GALNT9: variants seen among roughly 807,000 people sequenced by gnomAD.
The protein encoded by GALNT9 is polypeptide N-acetylgalactosaminyltransferase 9, also known as GalNAc transferase 9.
Under a neutral mutation model 63.1 loss-of-function variants are expected in GALNT9, and 47 were observed. The ratio of observed to expected loss-of-function variants is 0.75; its 90% CI spans 0.59 to 0.95. The LOEUF is 0.95. Among genes scored for constraint, GALNT9 ranks in the 40% least tolerant of loss-of-function variants. The probability of loss-of-function intolerance (pLI) is 0.00; values close to 1 mark genes in which losing one functional copy is unlikely to be tolerated. For missense variants in GALNT9, 829 were observed against 874.8 expected (o/e 0.95, Z 0.66); for synonymous variants, 396 against 365.7 (o/e 1.08, Z -0.94).
rs187963491 is a variant in GALNT9 at position 132,196,442 on chromosome 12, G to A, written c.*665C>T. 7.7e-3 allele frequency: 7,608 copies of A among 985,390 alleles called. 30 individuals carry two copies. Among genetic ancestry groups the A allele is most frequent in the Non-Finnish European group, 8.6e-3 (7,113 of 829,894 alleles). The allele number at this position is 985,390 out of a possible 1,614,324, so 61.0% of individuals were successfully genotyped here. A position where few individuals can be genotyped will look rare whatever the true frequency, so the allele number is the denominator to read the frequency against. ...GGCTGGGCTGCGGCAGGGCCCAGGT[G>A]CCTGGGAAAGAGGTGGGACCGGGCC... On this transcript the variant is annotated 3_prime_UTR_variant, in exon 11 of 11. Coordinates refer to ENST00000328957, the MANE Select transcript of GALNT9 (RefSeq NM_001122636.2).
Position 132,282,095 on chromosome 12 carries a change from A to G in GALNT9, c.419+4155T>C, listed in dbSNP as rs797035066. Among the ~76,000 whole-genome samples the G allele has an allele frequency of 1.9e-4, 26 of 138,692 alleles. No individual in the cohort carries two copies. Among genetic ancestry groups the G allele is most frequent in the African/African-American group, 5.6e-4 (20 of 35,980 alleles). The allele number at this position is 138,692 out of a possible 152,430, so 91.0% of individuals were successfully genotyped here. A position where few individuals can be genotyped will look rare whatever the true frequency, so the allele number is the denominator to read the frequency against. ...CTGGGGGTCCCTGATCCCACAGAGGAGGAATCAGCTCCACTACAGCAAGGC... is the reference window on the plus strand; with the variant it reads ...CTGGGGGTCCCTGATCCCACAGAGGGGGAATCAGCTCCACTACAGCAAGGC... On this transcript the variant is annotated intron_variant, in intron 2 of 10. Transcript: ENST00000328957. This position sits in a 1 kb window ranked among gnomAD's most constrained non-coding sequence, Gnocchi z 4.5.
rs1258590261 is a variant in GALNT9 at position 132,310,798 on chromosome 12, C to T, written c.238+18168G>A. Among the ~76,000 whole-genome samples, 6 of 152,274 alleles carry T rather than the reference C, an allele frequency of 3.9e-5. No homozygotes were observed. The South Asian group carries it at 6.2e-4, about 16-fold the overall frequency. The stretch of plus-strand genomic sequence containing the variant: ...AGGTGGGAGCCACGCTGTCCTCCCA[C>T]GCAAAGAGGAACTAGGTGTGGCTGT... On this transcript the variant is annotated intron_variant, in intron 1 of 10. Transcript: ENST00000328957. This position sits in a 1 kb window ranked among gnomAD's most constrained non-coding sequence, Gnocchi z 4.8.
chr12:132,323,839 C>T (rs1416091409), intron 1 of GALNT9, among the ~76,000 whole-genome samples: 1 of 152,346 alleles, frequency 6.6e-6, no homozygotes, highest in South Asian at 2.1e-4. Flanking sequence ...GTTAATGATC[C>T]GGGTGGAAAG....
At chr12:132,250,506 G>A (rs1399251246) in intron 5 of GALNT9, among the ~76,000 whole-genome samples, 3 of 152,194 alleles carry the variant, frequency 2.0e-5, no homozygotes, top group Admixed American at 2.0e-4. Context: ...AAAAGCCAAC[G>A]TGGCCGGGCA....
At chr12:132,258,783 T>C (rs1187723820) in intron 4 of GALNT9, among the ~76,000 whole-genome samples, 2 of 152,214 alleles carry the variant, frequency 1.3e-5, no homozygotes, top group African/African-American at 4.8e-5. Context: ...GGGAAGCAGG[T>C]GCAGCCCTCG....
intron 6 of GALNT9, among the ~76,000 whole-genome samples, chr12:132,230,971 G>A (rs971688815): frequency 2.6e-5 from 4 of 151,956 alleles, no homozygotes; most frequent in African/African-American, 7.2e-5. Flanking sequence ...TCACCCTAGT[G>A]CCACACACTC....
At chr12:132,209,680 C>A (rs1346443227) in intron 6 of GALNT9, among the ~76,000 whole-genome samples, 1 of 152,130 alleles carries the variant, frequency 6.6e-6, no homozygotes, top group African/African-American at 2.4e-5. Context: ...AAAAGACACT[C>A]CCCCCAGCAC....
At chr12:132,293,946 G>T (rs1372627177) in intron 1 of GALNT9, among the ~76,000 whole-genome samples, 1 of 152,294 alleles carries the variant, frequency 6.6e-6, no homozygotes, top group Non-Finnish European at 1.5e-5. Context: ...GGAACGAGAA[G>T]TGGAGCCTGG....
intron 1 of GALNT9, among the ~76,000 whole-genome samples, chr12:132,297,570 GCCAACTCACTCCTGAGATAA>G (rs1369017855): frequency 1.5e-5 from 2 of 131,428 alleles, no homozygotes; most frequent in East Asian, 2.3e-4. Context: ...TCCTGAGATA[GCCAACTCACTCCTGAGATAA>G]CCAACTCACT....
intron 6 of GALNT9, among the ~76,000 whole-genome samples, chr12:132,216,115 C>A (rs535632480): frequency 3.3e-5 from 5 of 152,036 alleles, no homozygotes; most frequent in Admixed American, 2.0e-4. Flanking sequence ...GATACAGAGA[C>A]ACAGAAACAG....
chr12:132,290,333 G>A (rs76534667), intron 1 of GALNT9, among the ~76,000 whole-genome samples: 18,661 of 152,164 alleles, frequency 0.12, 1,191 homozygotes, highest in Non-Finnish European at 0.14. Context: ...GCCAAGCCAC[G>A]GACCCTCAGT....
At chr12:132,253,221 A>G (rs937263018) in intron 5 of GALNT9, among the ~76,000 whole-genome samples, 39 of 152,142 alleles carry the variant, frequency 2.6e-4, no homozygotes, top group African/African-American at 8.5e-4. Flanking sequence ...GAGTGTGACC[A>G]TTGAAGCACC....
rs12306514 is a variant in GALNT9, at chr12:132,197,939, A to G, written c.1518T>C (p.Asp506=). The G allele has an allele frequency of 0.75, 1,212,538 of 1,608,832 alleles. 457,853 individuals are homozygous for G. The highest frequency in any genetic ancestry group is 0.84 in the African/African-American group (62,822 of 74,878). Residue 506 remains aspartate, a synonymous_variant, in exon 10 of 11, where the codon GAT becomes GAC. Coordinates refer to ENST00000328957, the MANE Select transcript of GALNT9 (RefSeq NM_001122636.2). ...CCAGAGGCCCCAGCTGCAGCAGTCCATCAGCGCTGTACCGCACCAGCTGGG... is the reference window on the plus strand; with the variant it reads ...CCAGAGGCCCCAGCTGCAGCAGTCCGTCAGCGCTGTACCGCACCAGCTGGG... ...MSSQLVRYSA[D]GLLQLGPLGS...
chr12:132,289,719 C>T (rs1426826749), intron 1 of GALNT9, among the ~76,000 whole-genome samples: 1 of 152,210 alleles, frequency 6.6e-6, no homozygotes, highest in African/African-American at 2.4e-5. Context: ...CTGCCATTCC[C>T]ATCCTCCCTC....
At position 132,327,955 on chromosome 12, in the gene GALNT9, G is replaced by A. The variant is rs1207362089; in HGVS notation, c.238+1011C>T. On this transcript the variant is annotated intron_variant, in intron 1 of 10. Transcript: ENST00000328957. The surrounding 1 kb of genome is among the most constrained non-coding windows in gnomAD (Gnocchi z 4.3). ...GCCTGCCCGCGTAACCCCAGCTCCC[G>A]TCACCTCCCACTCGAGCCTGTTACG... Among the ~76,000 whole-genome samples the A allele has an allele frequency of 1.3e-5, 2 of 151,944 alleles. No homozygotes were observed. The highest frequency in any genetic ancestry group is 2.9e-5 in the Non-Finnish European group (2 of 68,000).
intron 1 of GALNT9, among the ~76,000 whole-genome samples, chr12:132,311,132 G>A (rs1881798682): frequency 6.6e-6 from 1 of 152,230 alleles, no homozygotes; most frequent in South Asian, 2.1e-4. Context: ...GCAAGAAATT[G>A]CTAGGCCAGA....
Position 132,328,967 on chromosome 12 carries a change from G to C in GALNT9, c.237C>G (p.Asn79Lys). 6 of 1,530,022 alleles carry C rather than the reference G, an allele frequency of 3.9e-6. No homozygotes were observed. Among genetic ancestry groups the C allele is most frequent in the Non-Finnish European group, 5.3e-6 (6 of 1,138,936 alleles). The allele number at this position is 1,530,022 out of a possible 1,614,324, so 94.8% of individuals were successfully genotyped here. The change falls in exon 1 of 11, where the codon AAC becomes AAG. Residue 79 changes from asparagine to lysine, a missense_variant and splice_region_variant. By Grantham distance (94) the Asn-to-Lys change is moderately conservative. Transcript: ENST00000328957. The part of the protein sequence containing the change: ...HLEEVVYNQL[N>K]GLAKPIGLVE... ...CTCCGCCCCGGCGCCCCCGCTCACC[G>C]TTGAGCTGGTTGTAGACCACCTCCT...
In GALNT9 at chr12:132,196,546, C is replaced by T; in HGVS notation, c.*561G>A. On this transcript the variant is annotated 3_prime_UTR_variant, in exon 11 of 11. Coordinates refer to ENST00000328957, the MANE Select transcript of GALNT9 (RefSeq NM_001122636.2). Reference sequence around the variant, plus strand: ...TCTCTTTATTTGGTCTCTGCTGAAGCAGTCGTGCCAGCCTCCTAGACACGG... The same window carrying T: ...TCTCTTTATTTGGTCTCTGCTGAAGTAGTCGTGCCAGCCTCCTAGACACGG... 1 of 986,318 alleles carries T rather than the reference C, an allele frequency of 1.0e-6. No individual in the cohort carries two copies. Among genetic ancestry groups the T allele is most frequent in the Non-Finnish European group, 1.2e-6 (1 of 830,586 alleles). 61.1% of individuals were successfully genotyped at this position (986,318 alleles called of 1,614,324 possible).
intron 6 of GALNT9, among the ~76,000 whole-genome samples, chr12:132,209,923 C>T (rs1485734349): frequency 6.6e-6 from 1 of 152,222 alleles, no homozygotes; most frequent in Non-Finnish European, 1.5e-5. Context: ...CTCTTTACTT[C>T]ATTTCTTTAC....
Sources: allele counts gnomAD v4.1 joint callset (sites outside exome capture counted in the v4.1 genomes callset), GRCh38; gene constraint gnomAD v4.1.1; non-coding constraint Gnocchi (gnomAD v3.1); transcripts MANE v1.5; gene names NCBI Gene and HGNC (gene_info 2026-07-23, HGNC 2026-07-21).